The following STK39 variants were observed in gnomAD, a reference collection of about 807,000 sequenced individuals.
STK39 encodes the protein serine/threonine kinase 39, also known as STE20/SPS1-related proline-alanine-rich protein kinase.
In STK39, 20 loss-of-function variants were observed where a neutral mutation model predicts 77.8. The observed-to-expected ratio is 0.26, with a 90% CI of 0.18 to 0.37. The LOEUF (loss-of-function observed/expected upper bound fraction) is 0.37. STK39 is among the 10% of genes least tolerant of loss of function. STK39 has a pLI of 1.00. For synonymous variants in STK39, 246 were observed against 234.1 expected (o/e 1.05, Z -0.47); for missense variants, 479 against 656.5 (o/e 0.73, Z 2.95).
intron 7 of STK39, among the ~76,000 whole-genome samples, chr2:168,139,892 A>G (rs1369179258): frequency 3.9e-5 from 6 of 152,066 alleles, no homozygotes; most frequent in Admixed American, 6.5e-5. Context: ...ACTTAAAAAG[A>G]AAGAAAAAAA....
intron 14 of STK39, among the ~76,000 whole-genome samples, chr2:168,029,533 C>A (rs1684781370): frequency 6.6e-6 from 1 of 152,116 alleles, no homozygotes; most frequent in Non-Finnish European, 1.5e-5. Context: ...TGAGTGATGG[C>A]ATTTCTGCTG....
chr2:168,002,231 A>C (rs915438346), intron 16 of STK39, among the ~76,000 whole-genome samples: 1 of 152,352 alleles, frequency 6.6e-6, no homozygotes, highest in African/African-American at 2.4e-5. Flanking sequence ...TAACAAAGTT[A>C]ATTAGAAAAT....
chr2:168,037,087 G>GA (rs1166435593), intron 14 of STK39, among the ~76,000 whole-genome samples: 2 of 152,134 alleles, frequency 1.3e-5, no homozygotes, highest in African/African-American at 2.4e-5. Context: ...AGTAAAAATA[G>GA]AAAAATCAAT....
At chr2:168,004,148 G>A (rs1390910837) in intron 16 of STK39, among the ~76,000 whole-genome samples, 1 of 152,164 alleles carries the variant, frequency 6.6e-6, no homozygotes, top group African/African-American at 2.4e-5. Context: ...AAAAGCTGAA[G>A]GCCATCTGGA....
intron 5 of STK39, among the ~76,000 whole-genome samples, chr2:168,152,591 G>A (rs527546245): frequency 6.6e-6 from 1 of 152,280 alleles, no homozygotes; most frequent in Non-Finnish European, 1.5e-5. Flanking sequence ...GAGGAGATTT[G>A]AGAGTGAAGT....
chr2:168,140,732 T>C lies in STK39; in HGVS notation c.655A>G (p.Thr219Ala). 6.2e-7 allele frequency: 1 copy of C among 1,610,152 alleles called. No individual in the cohort carries two copies. Among genetic ancestry groups the C allele is most frequent in the Non-Finnish European group, 8.5e-7 (1 of 1,177,280 alleles). ...TTATTTCGGGTAACATCACCCCCTG[T>C]TGCTAGGAACGCACTTACCCCAAAA... ...ADFGVSAFLA[T>A]GGDVTRNKVR... The change falls in exon 6 of 18, where the codon ACA becomes GCA. Residue 219 changes from threonine (T) to alanine (A), a missense_variant. Thr to Ala is a moderately conservative substitution (Grantham distance 58). Around this residue, in one of 3 missense-constraint regions of STK39, gnomAD observed 139 missense variants for 280.6 expected, o/e 0.50. Coordinates refer to ENST00000355999, the MANE Select transcript of STK39 (RefSeq NM_013233.3).
chr2:168,212,891 C>T (rs897474933), intron 1 of STK39, among the ~76,000 whole-genome samples: 1 of 152,158 alleles, frequency 6.6e-6, no homozygotes, highest in Non-Finnish European at 1.5e-5. Flanking sequence ...GCCATTTATA[C>T]ATACATCCTT....
intron 1 of STK39, among the ~76,000 whole-genome samples, chr2:168,191,991 GCC>G (rs1192961587): frequency 6.6e-6 from 1 of 152,086 alleles, no homozygotes; most frequent in Non-Finnish European, 1.5e-5. Context: ...CTGAAGAGGA[GCC>G]CTTTCTGAAG....
chr2:168,062,140 G>A (rs1574431560), intron 14 of STK39, among the ~76,000 whole-genome samples: 1 of 152,124 alleles, frequency 6.6e-6, no homozygotes, highest in Non-Finnish European at 1.5e-5. Context: ...TTAGACTGTT[G>A]GATTCTAAAG....
chr2:168,163,159 C>T (rs758218678), intron 4 of STK39, among the ~76,000 whole-genome samples: 1 of 152,186 alleles, frequency 6.6e-6, no homozygotes, highest in Non-Finnish European at 1.5e-5. Flanking sequence ...AAGTAGCACT[C>T]ACTCACTTGA....
At chr2:168,211,848 A>G (rs901716590) in intron 1 of STK39, among the ~76,000 whole-genome samples, 2 of 152,184 alleles carry the variant, frequency 1.3e-5, no homozygotes, top group Admixed American at 6.5e-5. Flanking sequence ...CAAAATTCTG[A>G]CACAAACACT....
At chr2:167,993,087 A>G (rs1683742345) in intron 16 of STK39, among the ~76,000 whole-genome samples, 1 of 152,250 alleles carries the variant, frequency 6.6e-6, no homozygotes, top group African/African-American at 2.4e-5. Context: ...GATGTAATAT[A>G]AAAGCAACGT....
At chr2:168,026,855 C>T (rs569191898) in intron 14 of STK39, among the ~76,000 whole-genome samples, 34 of 152,072 alleles carry the variant, frequency 2.2e-4, no homozygotes, top group Non-Finnish European at 4.1e-4. Flanking sequence ...CAGTGGCTCA[C>T]GTCTGTAATC....
chr2:168,147,969 C>T (rs971142283), intron 5 of STK39, among the ~76,000 whole-genome samples: 5 of 152,204 alleles, frequency 3.3e-5, no homozygotes, highest in African/African-American at 1.2e-4. Context: ...ATTAATCTTC[C>T]TAAAGTGCAG....
intron 10 of STK39, among the ~76,000 whole-genome samples, chr2:168,108,010 A>G (rs1363004104): frequency 6.6e-6 from 1 of 152,236 alleles, no homozygotes; most frequent in African/African-American, 2.4e-5. Flanking sequence ...TCCTAATTCC[A>G]AAACAACTGT....
chr2:168,197,274 A>C (rs879740108), intron 1 of STK39, among the ~76,000 whole-genome samples: 7 of 152,260 alleles, frequency 4.6e-5, no homozygotes, highest in Non-Finnish European at 4.4e-5. Context: ...AGGAGGAGAC[A>C]TTTAGGTACT....
At chr2:168,010,958 T>A (rs1209552507) in intron 16 of STK39, among the ~76,000 whole-genome samples, 1 of 152,220 alleles carries the variant, frequency 6.6e-6, no homozygotes, top group African/African-American at 2.4e-5. Context: ...TCTAGCATTA[T>A]TGGGGAAGGA....
intron 1 of STK39, among the ~76,000 whole-genome samples, chr2:168,234,983 T>C (rs929853854): frequency 3.4e-5 from 5 of 149,004 alleles, no homozygotes; most frequent in Admixed American, 1.3e-4. Context: ...TAAGATTCCA[T>C]CTCTAACAAA....
chr2:167,984,207 A>G (rs1207720691), intron 16 of STK39, among the ~76,000 whole-genome samples: 1 of 152,234 alleles, frequency 6.6e-6, no homozygotes, highest in African/African-American at 2.4e-5. Context: ...AACACAAGTA[A>G]TGCAAATCTT....
Sources: allele counts gnomAD v4.1 joint callset (sites outside exome capture counted in the v4.1 genomes callset), GRCh38; gene constraint gnomAD v4.1.1; regional missense constraint gnomAD v4.1.1; transcripts MANE v1.5; gene names NCBI Gene and HGNC (gene_info 2026-07-23, HGNC 2026-07-21).